The following TRHR variants were observed in gnomAD, a reference collection of about 807,000 sequenced individuals.
TRHR encodes the protein thyrotropin-releasing hormone receptor.
Under a neutral mutation model 28.0 loss-of-function variants are expected in TRHR, and 14 were observed. The ratio of observed to expected loss-of-function variants is 0.50; its 90% CI spans 0.33 to 0.78. TRHR has a LOEUF of 0.78. Among genes scored for constraint, TRHR ranks in the 30% least tolerant of loss-of-function variants. The pLI is 0.02. For synonymous variants in TRHR, 176 were observed against 171.9 expected, an observed-to-expected ratio of 1.02 and a Z score of -0.18; for missense variants, 438 against 469.5, an observed-to-expected ratio of 0.93 and a Z score of 0.62.
chr8:109,106,075 G>A (rs1488769645), intron 2 of TRHR, among the ~76,000 whole-genome samples: 3 of 152,152 alleles, frequency 2.0e-5, no homozygotes. Flanking sequence ...GAAAGAGCAA[G>A]CTTATCACAG....
At chr8:109,118,485 T>C (rs1366791495) in intron 2 of TRHR, among the ~76,000 whole-genome samples, 1 of 151,880 alleles carries the variant, frequency 6.6e-6, no homozygotes, top group African/African-American at 2.4e-5. Flanking sequence ...ACCCTAAGTC[T>C]CCTAATGCTT....
chr8:109,093,433 G>A (rs1176756698), intron 2 of TRHR, among the ~76,000 whole-genome samples: 2 of 114,188 alleles, frequency 1.8e-5, no homozygotes, highest in Non-Finnish European at 3.3e-5. Flanking sequence ...TTGAGACAGA[G>A]TCTCACCCTG....
At chr8:109,101,855 T>G (rs1193376729) in intron 2 of TRHR, among the ~76,000 whole-genome samples, 5 of 152,046 alleles carry the variant, frequency 3.3e-5, no homozygotes, top group Non-Finnish European at 2.9e-5. Context: ...CTACAGGAAA[T>G]TTTGTAAAGT....
Position 109,088,215 on chromosome 8 carries a change from A to G in TRHR, c.703A>G (p.Lys235Glu). 2 of 1,614,074 alleles carry G rather than the reference A, an allele frequency of 1.2e-6. No individual in the cohort carries two copies. The highest frequency in any genetic ancestry group is 1.7e-6 in the Non-Finnish European group (2 of 1,179,978). Residue 235 changes from lysine (K) to glutamate (E), a missense_variant, in exon 2 of 3, where the codon AAA becomes GAA. Coordinates refer to ENST00000518632, the MANE Select transcript of TRHR (RefSeq NM_003301.7). The part of the protein sequence containing the change: ...SDPKENSKTW[K>E]NDSTHQNTNL... Reference sequence around the variant, plus strand: ...TCCTAAAGAAAACTCTAAGACATGGAAAAATGATTCAACCCATCAGAACAC... The same window carrying G: ...TCCTAAAGAAAACTCTAAGACATGGGAAAATGATTCAACCCATCAGAACAC...
intron 2 of TRHR, among the ~76,000 whole-genome samples, chr8:109,095,280 A>G (rs545223801): frequency 6.6e-6 from 1 of 152,290 alleles, no homozygotes; most frequent in African/African-American, 2.4e-5. Flanking sequence ...AGAACGTGGC[A>G]TCAATGAGAG....
rs139597922 is a variant in TRHR at position 109,091,090 on chromosome 8, C to T, written c.789+2789C>T. 3.6e-3 allele frequency among the ~76,000 whole-genome samples: 542 copies of T among 152,122 alleles called. 5 individuals carry two copies. The highest frequency in any genetic ancestry group is 0.012 in the African/African-American group (487 of 41,456). On this transcript the variant is annotated intron_variant, in intron 2 of 2. Transcript: ENST00000518632. ...GTTCAGGGATGAGAAATCTGACAGC[C>T]GTCGGGGAGGCAGATTTGAAGAGAG...
At chr8:109,109,899 G>T (rs1222422297) in intron 2 of TRHR, among the ~76,000 whole-genome samples, 4 of 152,192 alleles carry the variant, frequency 2.6e-5, no homozygotes, top group Admixed American at 2.6e-4. Context: ...TCCACTGGAA[G>T]TACCTTCACA....
At chr8:109,103,479 G>C (rs1586190392) in intron 2 of TRHR, among the ~76,000 whole-genome samples, 1 of 152,286 alleles carries the variant, frequency 6.6e-6, no homozygotes, top group South Asian at 2.1e-4. Context: ...TCGATCAAGG[G>C]TGCTTGACTC....
chr8:109,101,726 C>A (rs1402028103), intron 2 of TRHR, among the ~76,000 whole-genome samples: 2 of 151,960 alleles, frequency 1.3e-5, no homozygotes, highest in African/African-American at 2.4e-5. Context: ...TATAAAATAC[C>A]AGGATACAAA....
intron 2 of TRHR, among the ~76,000 whole-genome samples, chr8:109,099,249 T>G (rs1242131415): frequency 6.6e-6 from 1 of 152,046 alleles, no homozygotes; most frequent in African/African-American, 2.4e-5. Flanking sequence ...ATCATAATAA[T>G]GGAAAGGTGT....
chr8:109,087,452 G>A lies in TRHR; in HGVS notation c.-61G>A. 6.3e-7 allele frequency: 1 copy of A among 1,583,138 alleles called. No individual in the cohort carries two copies. Among genetic ancestry groups the A allele is most frequent in the Middle Eastern group, 1.7e-4 (1 of 6,010 alleles). ...GGATGGAACTGCTGCAATAAAGGTG[G>A]GCGCTGGAAAGAAGATGTTTTGAGA... On this transcript the variant is annotated 5_prime_UTR_variant, in exon 2 of 3. Transcript: ENST00000518632.
rs763804371 is a variant in TRHR at position 109,121,521 on chromosome 8, C to T, written c.*2066C>T. On this transcript the variant is annotated 3_prime_UTR_variant, in exon 3 of 3. Transcript: ENST00000518632. ...ATGATTAGACCAGTATTCCTGTGAC[C>T]TAATTCCTAATTAATAAAAAGTTAT... is the stretch of plus-strand genomic sequence containing the variant. Among the ~76,000 whole-genome samples, 9 of 151,566 alleles carry T rather than the reference C, an allele frequency of 5.9e-5. No individual in the cohort carries two copies. Among genetic ancestry groups the T allele is most frequent in the Non-Finnish European group, 1.2e-4 (8 of 67,776 alleles).
chr8:109,093,818 C>G (rs1005854606), intron 2 of TRHR, among the ~76,000 whole-genome samples: 1 of 150,848 alleles, frequency 6.6e-6, no homozygotes, highest in African/African-American at 2.5e-5. Context: ...GTTGACCCAG[C>G]TCTACCTTTA....
In TRHR at chr8:109,121,556, A is replaced by G. The variant is rs1363103405; in HGVS notation, c.*2101A>G. Among the ~76,000 whole-genome samples the G allele has an allele frequency of 6.6e-6, 1 of 151,800 alleles. No individual in the cohort carries two copies. Among genetic ancestry groups the G allele is most frequent in the African/African-American group, 2.4e-5 (1 of 41,400 alleles). ...ATTAATAAAAAGTTATGGATTTTGCAGAATGATTATATCAGGTGTTAAAAA... is the reference window on the plus strand; with the variant it reads ...ATTAATAAAAAGTTATGGATTTTGCGGAATGATTATATCAGGTGTTAAAAA... On this transcript the variant is annotated 3_prime_UTR_variant, in exon 3 of 3. Coordinates refer to ENST00000518632, the MANE Select transcript of TRHR (RefSeq NM_003301.7).
chr8:109,088,301 G>A lies in TRHR; in HGVS notation c.789G>A (p.Gln263=). ...ACAGCACAGTATCTTCAAGGAAGCA[G>A]GTAAGCAAAACTGAAACTCCAAGTC... The part of the protein sequence containing the change: ...CFNSTVSSRK[Q]VTKMLAVVVI... The change falls in exon 2 of 3, where the codon CAG becomes CAA. Residue 263 remains glutamine, a splice_region_variant and synonymous_variant. Coordinates refer to ENST00000518632, the MANE Select transcript of TRHR (RefSeq NM_003301.7). 6.2e-7 allele frequency: 1 copy of A among 1,613,040 alleles called. No homozygotes were observed. The highest frequency in any genetic ancestry group is 1.1e-5 in the South Asian group (1 of 90,904).
At chr8:109,099,688 A>G (rs1215620219) in intron 2 of TRHR, among the ~76,000 whole-genome samples, 2 of 152,238 alleles carry the variant, frequency 1.3e-5, no homozygotes, top group Non-Finnish European at 2.9e-5. Context: ...AACACTTGAC[A>G]GCCATATTCA....
intron 2 of TRHR, among the ~76,000 whole-genome samples, chr8:109,107,275 T>C (rs1336331357): frequency 6.6e-6 from 1 of 152,194 alleles, no homozygotes; most frequent in Non-Finnish European, 1.5e-5. Flanking sequence ...TCTCATCCCC[T>C]TAAATTATGG....
chr8:109,100,898 G>T (rs1811670114), intron 2 of TRHR, among the ~76,000 whole-genome samples: 1 of 152,086 alleles, frequency 6.6e-6, no homozygotes, highest in South Asian at 2.1e-4. Flanking sequence ...GTGAAGACCA[G>T]AAATCTAGAA....
At chr8:109,112,535 A>G (rs1297595585) in intron 2 of TRHR, among the ~76,000 whole-genome samples, 2 of 152,198 alleles carry the variant, frequency 1.3e-5, no homozygotes, top group Admixed American at 6.5e-5. Flanking sequence ...CCCAGGAAAT[A>G]GATGAGTATG....
Sources: allele counts gnomAD v4.1 joint callset (sites outside exome capture counted in the v4.1 genomes callset), GRCh38; gene constraint gnomAD v4.1.1; transcripts MANE v1.5; gene names NCBI Gene and HGNC (gene_info 2026-07-23, HGNC 2026-07-21).